ARHGEF28: variants seen among roughly 807,000 people sequenced by gnomAD.
ARHGEF28 encodes the protein 190 kDa guanine nucleotide exchange factor.
Under a neutral mutation model 206.6 loss-of-function variants are expected in ARHGEF28, and 152 were observed. That is an observed-to-expected ratio of 0.74 (90% CI 0.64 to 0.84). The LOEUF (loss-of-function observed/expected upper bound fraction) is 0.84. Ranked by LOEUF, ARHGEF28 falls within the 40% of genes least tolerant of loss-of-function variation. The probability of loss-of-function intolerance (pLI) is 0.00; values close to 1 mark genes in which losing one functional copy is unlikely to be tolerated. For synonymous variants in ARHGEF28, 763 were observed against 776.4 expected (o/e 0.98, Z 0.29); for missense variants, 2,028 against 2,073.2 (o/e 0.98, Z 0.42).
chr5:73,905,298 C>G (rs1160063524), intron 33 of ARHGEF28: 2 of 116,402 alleles, frequency 1.7e-5, no homozygotes, highest in African/African-American at 8.5e-5. Flanking sequence ...CACATCCCAG[C>G]CCATCCATTA....
At chr5:73,884,807 G>A (rs1432412748) in intron 24 of ARHGEF28, among the ~76,000 whole-genome samples, 1 of 119,264 alleles carries the variant, frequency 8.4e-6, no homozygotes, top group East Asian at 2.6e-4. Flanking sequence ...CTCCTTCAGA[G>A]TATTTTCATA....
chr5:73,712,132 A>T (rs1749289228), intron 2 of ARHGEF28, among the ~76,000 whole-genome samples: 1 of 151,418 alleles, frequency 6.6e-6, no homozygotes, highest in African/African-American at 2.4e-5. Context: ...TCTGGGATGA[A>T]CCCCACTGGT....
chr5:73,818,000 T>C (rs1024412966), intron 9 of ARHGEF28, among the ~76,000 whole-genome samples: 1 of 152,102 alleles, frequency 6.6e-6, no homozygotes, highest in African/African-American at 2.4e-5. Context: ...ACAGATATAG[T>C]ACTTAAACAC....
At chr5:73,655,722 G>A (rs1446797796) in intron 1 of ARHGEF28, among the ~76,000 whole-genome samples, 2 of 152,332 alleles carry the variant, frequency 1.3e-5, no homozygotes, top group East Asian at 3.9e-4. Context: ...TCCACAGGGA[G>A]CCAGGGGTAA....
intron 9 of ARHGEF28, among the ~76,000 whole-genome samples, chr5:73,812,271 C>T (rs1264054433): frequency 6.6e-6 from 1 of 152,110 alleles, no homozygotes; most frequent in African/African-American, 2.4e-5. Flanking sequence ...TCTTACACAG[C>T]GTGGCACAGT....
intron 1 of ARHGEF28, among the ~76,000 whole-genome samples, chr5:73,635,767 G>A (rs1743673636): frequency 6.6e-6 from 1 of 152,194 alleles, no homozygotes; most frequent in South Asian, 2.1e-4. Context: ...TGGATTTCTG[G>A]AAGTTGCTTT....
intron 1 of ARHGEF28, among the ~76,000 whole-genome samples, chr5:73,669,944 C>T (rs1746203875): frequency 1.3e-5 from 2 of 152,202 alleles, no homozygotes; most frequent in South Asian, 2.1e-4. Flanking sequence ...GCTTTGGCCT[C>T]CCACAGTGCT....
intron 30 of ARHGEF28, chr5:73,899,332 C>T (rs1274323489): frequency 5.3e-5 from 8 of 152,236 alleles, no homozygotes; most frequent in Non-Finnish European, 8.8e-5. Flanking sequence ...GGAGAGGCTC[C>T]CCTCTGCAGC....
At chr5:73,854,981 T>C (rs556488406) in intron 14 of ARHGEF28, among the ~76,000 whole-genome samples, 1 of 152,288 alleles carries the variant, frequency 6.6e-6, no homozygotes, top group East Asian at 1.9e-4. Context: ...GCAGTACCAT[T>C]AAAGGCTCTG....
rs1172015508 is a variant in ARHGEF28, at chr5:73,882,501, G to A, written c.2844G>A (p.Lys948=). The change falls in exon 23 of 36, where the codon AAG becomes AAA. Residue 948 remains lysine (K), a synonymous_variant. Transcript: ENST00000513042. ...QFSEENASKM[K]KIYGEFCCHH... is the part of the protein sequence containing the mutation. ...CAGAAGAAAATGCAAGTAAAATGAA[G>A]AAAATATATGGAGAATTCTGTTGCC... 1 of 1,465,802 alleles carries A rather than the reference G, an allele frequency of 6.8e-7. No homozygotes were observed. The highest frequency in any genetic ancestry group is 9.2e-7 in the Non-Finnish European group (1 of 1,091,384). 90.8% of individuals were successfully genotyped at this position (1,465,802 alleles called of 1,614,324 possible).
At chr5:73,913,460 GC>G (rs993620764) in intron 35 of ARHGEF28, among the ~76,000 whole-genome samples, 62 of 152,208 alleles carry the variant, frequency 4.1e-4, no homozygotes, top group African/African-American at 1.4e-3. Flanking sequence ...AGTGGTCAAG[GC>G]TAGATAAAAT....
intron 4 of ARHGEF28, among the ~76,000 whole-genome samples, chr5:73,763,461 C>T (rs1291174898): frequency 6.6e-6 from 1 of 152,204 alleles, no homozygotes; most frequent in Non-Finnish European, 1.5e-5. Flanking sequence ...TGAAGGCAGA[C>T]TTCCAATGCA....
intron 2 of ARHGEF28, among the ~76,000 whole-genome samples, chr5:73,699,058 T>G (rs1018214443): frequency 2.0e-5 from 3 of 152,060 alleles, no homozygotes; most frequent in Non-Finnish European, 4.4e-5. Context: ...TTGCGAACCC[T>G]TTTCTTTGAG....
chr5:73,880,391 A>G (rs1760839041), intron 22 of ARHGEF28, among the ~76,000 whole-genome samples: 1 of 152,168 alleles, frequency 6.6e-6, no homozygotes, highest in African/African-American at 2.4e-5. Flanking sequence ...AAGTGAGGCA[A>G]TGCCTCGCCC....
At chr5:73,926,531 A>G (rs1484193235) in intron 35 of ARHGEF28, among the ~76,000 whole-genome samples, 4 of 152,178 alleles carry the variant, frequency 2.6e-5, no homozygotes, top group Non-Finnish European at 4.4e-5. Flanking sequence ...TACATGTTTC[A>G]GCCAAACTTG....
intron 2 of ARHGEF28, among the ~76,000 whole-genome samples, chr5:73,714,885 T>G (rs1468063051): frequency 6.6e-6 from 1 of 152,094 alleles, no homozygotes; most frequent in Non-Finnish European, 1.5e-5. Flanking sequence ...GTAAAAGGTG[T>G]GAATAGAATG....
At chr5:73,684,382 C>T (rs767495357) in intron 1 of ARHGEF28, among the ~76,000 whole-genome samples, 3 of 152,146 alleles carry the variant, frequency 2.0e-5, no homozygotes, top group South Asian at 2.1e-4. Context: ...AAGGCTCATT[C>T]GTGTTATAAC....
intron 1 of ARHGEF28, among the ~76,000 whole-genome samples, chr5:73,665,375 G>A (rs1028705349): frequency 2.6e-5 from 4 of 152,182 alleles, no homozygotes; most frequent in Middle Eastern, 6.8e-3. Flanking sequence ...AGGCTGGAGT[G>A]CAGTGGTGCA....
At chr5:73,722,882 T>C (rs1158071644) in intron 2 of ARHGEF28, among the ~76,000 whole-genome samples, 1 of 152,244 alleles carries the variant, frequency 6.6e-6, no homozygotes, top group African/African-American at 2.4e-5. Flanking sequence ...ATTAGTATAG[T>C]ACTGTAGTTT....
Sources: gnomAD v4.1 joint callset for allele counts (sites outside exome capture counted in the v4.1 genomes callset) on GRCh38, gnomAD v4.1.1 for gene constraint, MANE v1.5 for transcripts, NCBI Gene and HGNC (gene_info 2026-07-23, HGNC 2026-07-21) for gene names.